The following KCNC4 variants were observed in gnomAD, a reference collection of about 807,000 sequenced individuals.
The protein encoded by KCNC4 is voltage-gated potassium channel KCNC4.
KCNC4 carries 23 observed loss-of-function variants against 42.8 expected under a neutral mutation model. The observed-to-expected ratio is 0.54, with a 90% CI of 0.39 to 0.76. KCNC4 has a LOEUF of 0.76. Among genes scored for constraint, KCNC4 ranks in the 30% least tolerant of loss-of-function variants. The pLI is 0.00. For synonymous variants in KCNC4, 422 were observed against 393.5 expected (o/e 1.07, Z -0.86); for missense variants, 751 against 898.2 (o/e 0.84, Z 2.10).
chr1:110,264,218 G>T lies in KCNC4; in HGVS notation n.31-18316G>T, dbSNP rs529133502. Among the ~76,000 whole-genome samples, 6 of 152,260 alleles carry T rather than the reference G, an allele frequency of 3.9e-5. No homozygotes were observed. The South Asian group carries it at 1.2e-3, about 32-fold the overall frequency. Reference sequence around the variant, plus strand: ...AGTTTTTGAAGGCAAGGAGACGGAGGTTACAGGCAAAGTCATAAATCAATA... The same window carrying T: ...AGTTTTTGAAGGCAAGGAGACGGAGTTTACAGGCAAAGTCATAAATCAATA... On this transcript the variant is annotated intron_variant and non_coding_transcript_variant, in intron 1 of 2. Transcript: ENST00000412512.
chr1:110,242,057 T>C (rs889228551), exon 4 of KCNC4: 7 of 152,192 alleles, frequency 4.6e-5, no homozygotes, highest in Admixed American at 1.3e-4. Context: ...AGAATAATTA[T>C]CCGGGATGCT....
rs1657538548 is a variant in KCNC4 at position 110,212,502 on chromosome 1, C to T, written c.678+325C>T. 1.3e-5 allele frequency among the ~76,000 whole-genome samples: 2 copies of T among 152,152 alleles called. 1 individual carries two copies. The highest frequency in any genetic ancestry group is 4.1e-4 in the South Asian group (2 of 4,826). On this transcript the variant is annotated intron_variant, in intron 1 of 3. Transcript: ENST00000438661. The stretch of plus-strand genomic sequence containing the variant: ...CCCTTCTTTGGTCTGCACAGGCTGC[C>T]CTATCTTCAGCTGCCCTCCACTCCA...
intron 1 of KCNC4, among the ~76,000 whole-genome samples, chr1:110,263,226 G>A (rs1177537515): frequency 6.6e-6 from 1 of 152,184 alleles, no homozygotes; most frequent in African/African-American, 2.4e-5. Context: ...CTGGATGCTG[G>A]CTCATCCCTT....
intron 1 of KCNC4, among the ~76,000 whole-genome samples, chr1:110,276,314 A>T (rs985683013): frequency 3.2e-4 from 48 of 151,408 alleles, no homozygotes; most frequent in Admixed American, 9.9e-4. Context: ...AAAAAAAAAA[A>T]AAAAAAAAGG....
intron 1 of KCNC4, among the ~76,000 whole-genome samples, chr1:110,280,619 A>C (rs3904622): frequency 0.77 from 117,354 of 151,960 alleles, 45,925 homozygotes; most frequent in African/African-American, 0.9. Flanking sequence ...CTAGTTATCT[A>C]CCCCAACATT....
intron 3 of KCNC4, chr1:110,226,389 A>C: frequency 1.7e-6 from 1 of 592,772 alleles, no homozygotes; most frequent in Non-Finnish European, 3.1e-6. Flanking sequence ...CACGGCTCCC[A>C]TCCAGCTGCC....
At chr1:110,227,600 C>T (rs1294784503) in intron 3 of KCNC4, among the ~76,000 whole-genome samples, 1 of 152,218 alleles carries the variant, frequency 6.6e-6, no homozygotes, top group East Asian at 1.9e-4. Flanking sequence ...TCTCTCCCGC[C>T]GACCATCCCA....
downstream of KCNC4, chr1:110,236,841 C>G (rs1658918035): frequency 6.6e-6 from 1 of 152,108 alleles, no homozygotes; most frequent in Non-Finnish European, 1.5e-5. Flanking sequence ...GGTTTAGATT[C>G]TTCTCTGATT....
At chr1:110,275,063 G>A (rs776220603) in intron 1 of KCNC4, among the ~76,000 whole-genome samples, 6 of 151,828 alleles carry the variant, frequency 4.0e-5, no homozygotes, top group Admixed American at 6.6e-5. Flanking sequence ...TCAACAGAGT[G>A]AACAGACAAC....
In KCNC4 at chr1:110,211,419, T is replaced by A. The variant is rs372085585; in HGVS notation, c.-81T>A. 1.5e-5 allele frequency: 22 copies of A among 1,495,632 alleles called. No individual in the cohort carries two copies. Among genetic ancestry groups the A allele is most frequent in the East Asian group, 1.2e-4 (5 of 40,746 alleles). The allele number at this position is 1,495,632 out of a possible 1,614,324, so 92.6% of individuals were successfully genotyped here. A position where few individuals can be genotyped will look rare whatever the true frequency, so the allele number is the denominator to read the frequency against. On this transcript the variant is annotated 5_prime_UTR_variant, in exon 1 of 4. Coordinates refer to ENST00000438661, the MANE Select transcript of KCNC4 (RefSeq NM_001039574.3). This position sits in a 1 kb window ranked among gnomAD's most constrained non-coding sequence, Gnocchi z 6.5. ...CTGCCTCCTCTTCGTCTCCTCCCCC[T>A]CCCCCGTCTGACGCTGCCTCCTCGG... is the stretch of plus-strand genomic sequence containing the variant.
chr1:110,241,423 C>CA (rs1340118693), exon 4 of KCNC4: 1 of 152,166 alleles, frequency 6.6e-6, no homozygotes, highest in Non-Finnish European at 1.5e-5. Context: ...TGTGGAGTGA[C>CA]AGCCTTGTTC....
At chr1:110,214,763 T>C (rs538970006) in intron 1 of KCNC4, among the ~76,000 whole-genome samples, 1 of 152,348 alleles carries the variant, frequency 6.6e-6, no homozygotes, top group African/African-American at 2.4e-5. Context: ...TGTTTCTTAC[T>C]GTAGCCTGAG....
intron 1 of KCNC4, among the ~76,000 whole-genome samples, chr1:110,281,555 A>C (rs3849183): frequency 0.075 from 10,488 of 140,326 alleles, 567 homozygotes; most frequent in African/African-American, 0.14. Context: ...CATATGTAAA[A>C]ACACACACAC....
chr1:110,219,494 G>GCT (rs1657977684), intron 1 of KCNC4, among the ~76,000 whole-genome samples: 1 of 152,206 alleles, frequency 6.6e-6, no homozygotes. Flanking sequence ...AAGGCTTCTA[G>GCT]TGTAGGGTTC....
At chr1:110,217,886 C>T (rs1015336352) in intron 1 of KCNC4, among the ~76,000 whole-genome samples, 1 of 152,150 alleles carries the variant, frequency 6.6e-6, no homozygotes, top group Non-Finnish European at 1.5e-5. Context: ...CTGCCTCTTA[C>T]CCCCGGGACT....
exon 4 of KCNC4, chr1:110,245,879 G>A (rs1659135345): frequency 6.6e-6 from 1 of 152,236 alleles, no homozygotes; most frequent in Non-Finnish European, 1.5e-5. Context: ...GAACGAAGAG[G>A]TTCTTGGCTC....
chr1:110,269,100 C>G (rs1336219143), intron 1 of KCNC4, among the ~76,000 whole-genome samples: 1 of 152,166 alleles, frequency 6.6e-6, no homozygotes, highest in Non-Finnish European at 1.5e-5. Context: ...AAGAAGAACC[C>G]ATCAGTCTGT....
At chr1:110,252,497 G>A (rs1402508310), downstream of KCNC4, among the ~76,000 whole-genome samples, 2 of 152,146 alleles carry the variant, frequency 1.3e-5, no homozygotes, top group African/African-American at 2.4e-5. Context: ...CCCACTGGCT[G>A]TCTTGAGCAC....
chr1:110,262,463 C>A (rs72990551), intron 1 of KCNC4, among the ~76,000 whole-genome samples: 1 of 152,188 alleles, frequency 6.6e-6, no homozygotes, highest in South Asian at 2.1e-4. Context: ...CTTCCCCAAC[C>A]CTACCCTGCC....
Sources: allele counts gnomAD v4.1 joint callset (sites outside exome capture counted in the v4.1 genomes callset), GRCh38; gene constraint gnomAD v4.1.1; non-coding constraint Gnocchi (gnomAD v3.1); transcripts MANE v1.5; gene names NCBI Gene and HGNC (gene_info 2026-07-23, HGNC 2026-07-21).